RFTN1: variants seen among roughly 807,000 people sequenced by gnomAD.
The protein encoded by RFTN1 is raftlin.
Under a neutral mutation model 46.5 loss-of-function variants are expected in RFTN1, and 26 were observed. The ratio of observed to expected loss-of-function variants is 0.56; its 90% CI spans 0.41 to 0.78. The LOEUF is 0.78. Among genes scored for constraint, RFTN1 ranks in the 30% least tolerant of loss-of-function variants. The probability of loss-of-function intolerance (pLI) is 0.00; values close to 1 mark genes in which losing one functional copy is unlikely to be tolerated. For missense variants in RFTN1, 693 were observed against 718.7 expected (o/e 0.96, Z 0.41); for synonymous variants, 261 against 284.2 (o/e 0.92, Z 0.82).
At chr3:16,493,039 G>A (rs1214187954) in intron 2 of RFTN1, among the ~76,000 whole-genome samples, 5 of 152,214 alleles carry the variant, frequency 3.3e-5, no homozygotes, top group Admixed American at 2.6e-4. Context: ...GCCCTCTTGC[G>A]AGATGGCAGA....
rs1001160408 is a variant in RFTN1, at chr3:16,426,248, G to T, written c.332+7603C>A. Reference sequence around the variant, plus strand: ...TGAACATTTTCTAGGGCACACCCCAGTAGGCGCTACCACCCCCTGTGTATT... The same window carrying T: ...TGAACATTTTCTAGGGCACACCCCATTAGGCGCTACCACCCCCTGTGTATT... On this transcript the variant is annotated intron_variant, in intron 3 of 9. Transcript: ENST00000334133. The surrounding 1 kb of genome is among the most constrained non-coding windows in gnomAD (Gnocchi z 5.9). Among the ~76,000 whole-genome samples the T allele has an allele frequency of 6.6e-6, 1 of 152,166 alleles. No individual in the cohort carries two copies. The highest frequency in any genetic ancestry group is 1.5e-5 in the Non-Finnish European group (1 of 68,036).
In RFTN1 at chr3:16,493,856, A is replaced by G. The variant is rs2076582208; in HGVS notation, c.14T>C (p.Leu5Ser). 2 of 1,614,208 alleles carry G rather than the reference A, an allele frequency of 1.2e-6. No homozygotes were observed. The highest frequency in any genetic ancestry group is 3.3e-5 in the Admixed American group (2 of 60,020). ...TTCATCACGTTTCTCTAACTTGTTC[A>G]ATCCGCAACCCATTTCAGCAGCTGC... The part of the protein sequence containing the change: MGCG[L>S]NKLEKRDEKR... The change falls in exon 2 of 10, where the codon TTG becomes TCG. Residue 5 changes from leucine (L) to serine (S), a missense_variant. By Grantham distance (145) the Leu-to-Ser change is moderately radical. Coordinates refer to ENST00000334133, the MANE Select transcript of RFTN1 (RefSeq NM_015150.2).
chr3:16,415,430 T>C lies in RFTN1; in HGVS notation c.333-5947A>G, dbSNP rs78916035. On this transcript the variant is annotated intron_variant, in intron 3 of 9. Coordinates refer to ENST00000334133, the MANE Select transcript of RFTN1 (RefSeq NM_015150.2). The stretch of plus-strand genomic sequence containing the variant: ...TTGAGTATATATATATATATATATA[T>C]ACACACACACACACACATATATACT... Among the ~76,000 whole-genome samples the C allele has an allele frequency of 7.1e-3, 812 of 114,306 alleles. 38 individuals carry two copies. Among genetic ancestry groups the C allele is most frequent in the African/African-American group, 0.013 (471 of 36,508 alleles). The allele number at this position is 114,306 out of a possible 152,430, so 75.0% of individuals were successfully genotyped here.
chr3:16,408,879 A>G (rs1246174419), intron 4 of RFTN1, among the ~76,000 whole-genome samples: 3 of 152,178 alleles, frequency 2.0e-5, no homozygotes, highest in Non-Finnish European at 2.9e-5. Context: ...TTAAAACTCA[A>G]GTAGACCCTA....
chr3:16,404,250 A>ATAATATATAATATATATAATATG (rs2074767271), intron 4 of RFTN1, among the ~76,000 whole-genome samples: 2 of 6,262 alleles, frequency 3.2e-4, no homozygotes, highest in African/African-American at 2.6e-3. Context: ...TATTTTATAT[A>ATAATATATAATATATATAATATG]TAATATATAA....
At chr3:16,323,600 TC>T in intron 8 of RFTN1, 143 bp from the exon 9 acceptor site, 1 of 582,662 alleles carries the variant, frequency 1.7e-6, no homozygotes, top group Non-Finnish European at 3.0e-6. Flanking sequence ...GCTCTACTCT[TC>T]CGCTCCCAGG....
rs1042619803 is a variant in RFTN1 at position 16,382,005 on chromosome 3, A to G, written c.442-3903T>C. Among the ~76,000 whole-genome samples, 2 of 152,198 alleles carry G rather than the reference A, an allele frequency of 1.3e-5. No homozygotes were observed. Among genetic ancestry groups the G allele is most frequent in the Admixed American group, 6.5e-5 (1 of 15,278 alleles). On this transcript the variant is annotated intron_variant, in intron 4 of 9. Coordinates refer to ENST00000334133, the MANE Select transcript of RFTN1 (RefSeq NM_015150.2). This position sits in a 1 kb window ranked among gnomAD's most constrained non-coding sequence, Gnocchi z 4.7. ...CCTTCAACTTCAGCACAAATTTTGT[A>G]TCTTATACCATAGTGCTACCTAGGA...
intron 4 of RFTN1, among the ~76,000 whole-genome samples, chr3:16,403,571 C>G (rs933671279): frequency 4.9e-5 from 5 of 102,300 alleles, no homozygotes; most frequent in Admixed American, 1.5e-4. Flanking sequence ...CACACACACA[C>G]ACATATATTA....
rs976100026 is a variant in RFTN1, at chr3:16,440,222, A to G, written c.146-6185T>C. Among the ~76,000 whole-genome samples the G allele has an allele frequency of 6.6e-6, 1 of 151,744 alleles. No homozygotes were observed. The highest frequency in any genetic ancestry group is 1.5e-5 in the Non-Finnish European group (1 of 67,950). ...TATAGTTTTTATCTACAGTGATCAC[A>G]CTCGCCTCATCTGGGAAGGACACCC... On this transcript the variant is annotated intron_variant, in intron 2 of 9. Transcript: ENST00000334133. This position sits in a 1 kb window ranked among gnomAD's most constrained non-coding sequence, Gnocchi z 4.6.
chr3:16,347,614 C>T (rs1363147262), intron 7 of RFTN1: 1 of 152,248 alleles, frequency 6.6e-6, no homozygotes, highest in Non-Finnish European at 1.5e-5. Context: ...GCATACCCAC[C>T]TCTGTGTGCA....
chr3:16,380,630 G>A lies in RFTN1; in HGVS notation c.442-2528C>T, dbSNP rs2073955822. 6.6e-6 allele frequency among the ~76,000 whole-genome samples: 1 copy of A among 152,186 alleles called. No homozygotes were observed. The highest frequency in any genetic ancestry group is 1.5e-5 in the Non-Finnish European group (1 of 68,040). On this transcript the variant is annotated intron_variant, in intron 4 of 9. Coordinates refer to ENST00000334133, the MANE Select transcript of RFTN1 (RefSeq NM_015150.2). This position sits in a 1 kb window ranked among gnomAD's most constrained non-coding sequence, Gnocchi z 4.8. The stretch of plus-strand genomic sequence containing the variant: ...CATCCCCTGGGAACCTGTTAGAAAT[G>A]CAAATTCTCAGGCCCCACCACAGAC...
intron 2 of RFTN1, among the ~76,000 whole-genome samples, chr3:16,472,356 A>G (rs563662786): frequency 8.4e-4 from 128 of 152,202 alleles, no homozygotes; most frequent in Non-Finnish European, 1.6e-3. Flanking sequence ...TACAAGTATT[A>G]AACACTAACT....
chr3:16,351,278 C>G lies in RFTN1; in HGVS notation c.1146+6654G>C, dbSNP rs970281202. Among the ~76,000 whole-genome samples the G allele has an allele frequency of 6.6e-6, 1 of 152,178 alleles. No individual in the cohort carries two copies. The highest frequency in any genetic ancestry group is 1.5e-5 in the Non-Finnish European group (1 of 68,030). ...CCAAGGACTGTGTCCTTGATCCAGT[C>G]TGTTTGCCATTGAGACCAGTCAGGA... On this transcript the variant is annotated intron_variant, in intron 7 of 9. Coordinates refer to ENST00000334133, the MANE Select transcript of RFTN1 (RefSeq NM_015150.2). This position sits in a 1 kb window ranked among gnomAD's most constrained non-coding sequence, Gnocchi z 5.4.
chr3:16,343,504 A>G (rs78549516), intron 7 of RFTN1, among the ~76,000 whole-genome samples: 13 of 152,284 alleles, frequency 8.5e-5, no homozygotes, highest in South Asian at 4.1e-4. Flanking sequence ...TGTCTCCCGC[A>G]TCACTGTCAC....
At position 16,400,826 on chromosome 3, in the gene RFTN1, G is replaced by A. The variant is rs76694457; in HGVS notation, c.441+8549C>T. 3.9e-3 allele frequency among the ~76,000 whole-genome samples: 587 copies of A among 152,126 alleles called. 4 individuals carry two copies. Among genetic ancestry groups the A allele is most frequent in the African/African-American group, 0.014 (560 of 41,474 alleles). On this transcript the variant is annotated intron_variant, in intron 4 of 9. Transcript: ENST00000334133. The surrounding 1 kb of genome is among the most constrained non-coding windows in gnomAD (Gnocchi z 4.5). Reference sequence around the variant, plus strand: ...GAGAGGAACTTCATAAGAAAACAGCGGCCTCCAGGCAGTAGCTCCTGCATT... The same window carrying A: ...GAGAGGAACTTCATAAGAAAACAGCAGCCTCCAGGCAGTAGCTCCTGCATT...
chr3:16,378,904 TAAA>T (rs1179097104), intron 4 of RFTN1, among the ~76,000 whole-genome samples: 4 of 152,102 alleles, frequency 2.6e-5, no homozygotes, highest in Non-Finnish European at 5.9e-5. Context: ...TCCCTCTCCC[TAAA>T]AAATAGCCCA....
Position 16,370,224 on chromosome 3 carries a change from T to C in RFTN1, c.882A>G (p.Gln294=), listed in dbSNP as rs114261879. The C allele has an allele frequency of 6.2e-4, 993 of 1,614,226 alleles. 4 individuals are homozygous for C. In the African/African-American group the frequency reaches 0.012, roughly 19 times the overall value. The change falls in exon 6 of 10, where the codon CAA becomes CAG. Residue 294 remains glutamine, a synonymous_variant. Coordinates refer to ENST00000334133, the MANE Select transcript of RFTN1 (RefSeq NM_015150.2). The surrounding 1 kb of genome is among the most constrained non-coding windows in gnomAD (Gnocchi z 5.5). ...GGAGAGGAATGGTGACAGGGTAGTA[T>C]TGCCGGCACTTCTGATGGCTCTTCG... is the stretch of plus-strand genomic sequence containing the variant. The part of the protein sequence containing the change: ...NKPKSHQKCR[Q]YYPVTIPLHV...
At position 16,409,363 on chromosome 3, in the gene RFTN1, T is replaced by A. The variant is rs2074934840; in HGVS notation, c.441+12A>T. 6.4e-7 allele frequency: 1 copy of A among 1,564,526 alleles called. No individual in the cohort carries two copies. The highest frequency in any genetic ancestry group is 8.8e-7 in the Non-Finnish European group (1 of 1,135,284). ...CAAACCTCTTCAATGGTACCCTGAC[T>A]GTAGCGCTCACCTTCTTAATGAACT... On this transcript the variant is annotated intron_variant, in intron 4 of 9. Transcript: ENST00000334133.
In RFTN1 at chr3:16,387,425, A is replaced by G. The variant is rs1403789268; in HGVS notation, c.442-9323T>C. Among the ~76,000 whole-genome samples the G allele has an allele frequency of 6.6e-6, 1 of 151,994 alleles. No homozygotes were observed. Among genetic ancestry groups the G allele is most frequent in the African/African-American group, 2.4e-5 (1 of 41,436 alleles). On this transcript the variant is annotated intron_variant, in intron 4 of 9. Coordinates refer to ENST00000334133, the MANE Select transcript of RFTN1 (RefSeq NM_015150.2). The surrounding 1 kb of genome is among the most constrained non-coding windows in gnomAD (Gnocchi z 5.2). ...GTCAGAAGCTGAGAAGCCCATCCCC[A>G]TGTCCTCTTCTGGCCCTCCACTCTT...
Sources: allele counts gnomAD v4.1 joint callset (sites outside exome capture counted in the v4.1 genomes callset), GRCh38; gene constraint gnomAD v4.1.1; non-coding constraint Gnocchi (gnomAD v3.1); transcripts MANE v1.5; gene names NCBI Gene and HGNC (gene_info 2026-07-23, HGNC 2026-07-21).